Variants in OSBPL8 observed in about 807,000 individuals in gnomAD.
OSBPL8 encodes oxysterol-binding protein-related protein 8.
OSBPL8 carries 59 observed loss-of-function variants against 125.5 expected under a neutral mutation model. That is an observed-to-expected ratio of 0.47 (90% confidence interval 0.38 to 0.58). The LOEUF (loss-of-function observed/expected upper bound fraction) is 0.58. OSBPL8 is among the 20% of genes least tolerant of loss of function. The pLI, the probability that OSBPL8 is intolerant of heterozygous loss-of-function variation, is 0.00. For missense variants in OSBPL8, 758 were observed against 1,047.8 expected, an observed-to-expected ratio of 0.72 and a Z score of 3.82; for synonymous variants, 330 against 338.9, an observed-to-expected ratio of 0.97 and a Z score of 0.29.
chr12:76,410,555 T>C lies in OSBPL8; in HGVS notation c.288+9A>G, dbSNP rs778380562. 42 of 1,573,464 alleles carry C rather than the reference T, an allele frequency of 2.7e-5. No individual in the cohort carries two copies. The Middle Eastern group carries it at 5.0e-4, about 19-fold the overall frequency. On this transcript the variant is annotated intron_variant, in intron 5 of 23. Coordinates refer to ENST00000261183, the MANE Select transcript of OSBPL8 (RefSeq NM_020841.5). ...TGTCATAATCATGTATTTGCTTATA[T>C]ATGCTTACCTTGCTCTTTGACATAG...
chr12:76,440,979 G>A (rs1565899422), intron 4 of OSBPL8, among the ~76,000 whole-genome samples: 2 of 152,068 alleles, frequency 1.3e-5, no homozygotes, highest in Non-Finnish European at 2.9e-5. Flanking sequence ...ATATTTTGAT[G>A]TTCTTACTAG....
At chr12:76,548,385 T>C (rs758361466) in intron 1 of OSBPL8, among the ~76,000 whole-genome samples, 1 of 152,016 alleles carries the variant, frequency 6.6e-6, no homozygotes, top group Non-Finnish European at 1.5e-5. Context: ...ATAAAGTAAA[T>C]GGTACAGCAG....
At chr12:76,474,029 C>T (rs1247862616) in intron 2 of OSBPL8, among the ~76,000 whole-genome samples, 1 of 152,138 alleles carries the variant, frequency 6.6e-6, no homozygotes, top group Non-Finnish European at 1.5e-5. Flanking sequence ...ACTAATTCCC[C>T]TAATGCAGCC....
chr12:76,384,738 G>A (rs1191470129), intron 14 of OSBPL8, among the ~76,000 whole-genome samples: 3 of 152,180 alleles, frequency 2.0e-5, no homozygotes, highest in Non-Finnish European at 2.9e-5. Context: ...AGAGGGCTAC[G>A]TGGTGAGGAA....
At chr12:76,439,555 A>G (rs1871927793) in intron 4 of OSBPL8, among the ~76,000 whole-genome samples, 1 of 151,888 alleles carries the variant, frequency 6.6e-6, no homozygotes, top group South Asian at 2.1e-4. Flanking sequence ...ATAATCAATG[A>G]AATGCAGTAC....
intron 1 of OSBPL8, among the ~76,000 whole-genome samples, chr12:76,556,861 T>C (rs1056827727): frequency 6.6e-5 from 10 of 152,190 alleles, no homozygotes; most frequent in Non-Finnish European, 1.5e-4. Flanking sequence ...AGACGGGGTT[T>C]CACCATGTTG....
intron 1 of OSBPL8, among the ~76,000 whole-genome samples, chr12:76,496,138 C>T (rs1027605251): frequency 8.6e-5 from 13 of 151,814 alleles, no homozygotes; most frequent in African/African-American, 2.9e-4. Context: ...CCCAATTACA[C>T]ATTAGTCTCT....
At chr12:76,532,017 A>G (rs1327126572) in intron 1 of OSBPL8, among the ~76,000 whole-genome samples, 7 of 143,106 alleles carry the variant, frequency 4.9e-5, no homozygotes, top group African/African-American at 1.9e-4. Flanking sequence ...AGCCTGGGCA[A>G]GAGAGCAAGA....
chr12:76,460,949 A>G (rs1402975193), intron 2 of OSBPL8, among the ~76,000 whole-genome samples: 1 of 152,214 alleles, frequency 6.6e-6, no homozygotes, highest in Non-Finnish European at 1.5e-5. Context: ...CTCCTTGAAT[A>G]AAATCTTGGA....
chr12:76,474,019 A>G (rs1488164895), intron 2 of OSBPL8, among the ~76,000 whole-genome samples: 1 of 152,150 alleles, frequency 6.6e-6, no homozygotes, highest in African/African-American at 2.4e-5. Context: ...TTTATTTCCT[A>G]CTAATTCCCC....
rs980967521 is a variant in OSBPL8, at chr12:76,351,956, T to C, written c.*3933A>G. ...ATTACAAAACAGTGGCCTATAACTA[T>C]CTGTACATTTACTGTGCACCTTAAG... On this transcript the variant is annotated 3_prime_UTR_variant, in exon 24 of 24. Transcript: ENST00000261183. The C allele has an allele frequency of 2.0e-5, 3 of 152,242 alleles. No individual in the cohort carries two copies. The highest frequency in any genetic ancestry group is 7.2e-5 in the African/African-American group (3 of 41,464). The allele number at this position is 152,242 out of a possible 1,614,324, so 9.4% of individuals were successfully genotyped here.
At chr12:76,492,954 T>C (rs1477319899) in intron 1 of OSBPL8, among the ~76,000 whole-genome samples, 1 of 151,850 alleles carries the variant, frequency 6.6e-6, no homozygotes, top group African/African-American at 2.4e-5. Flanking sequence ...TTTGCTTTCA[T>C]TGTGTGCACG....
At position 76,457,233 on chromosome 12, in the gene OSBPL8, G is replaced by A. The variant is rs192009605; in HGVS notation, c.79+2626C>T. On this transcript the variant is annotated intron_variant, in intron 3 of 23. Coordinates refer to ENST00000261183, the MANE Select transcript of OSBPL8 (RefSeq NM_020841.5). ...GGTTAGAAAATTATTACAGTAGTAC[G>A]GTATGTACTAGTTAATGTTATGTAG... Among the ~76,000 whole-genome samples the A allele has an allele frequency of 8.1e-4, 123 of 152,182 alleles. 1 individual carries two copies. The highest frequency in any genetic ancestry group is 2.5e-3 in the African/African-American group (103 of 41,494).
chr12:76,558,428 T>C (rs1951174066), intron 1 of OSBPL8, among the ~76,000 whole-genome samples: 1 of 152,234 alleles, frequency 6.6e-6, no homozygotes, highest in East Asian at 1.9e-4. Flanking sequence ...TAAAGGATTA[T>C]TTCAAAAGCA....
intron 15 of OSBPL8, among the ~76,000 whole-genome samples, chr12:76,380,505 A>G (rs1306518934): frequency 1.4e-5 from 2 of 146,416 alleles, no homozygotes; most frequent in African/African-American, 5.1e-5. Flanking sequence ...GTTTGAGACC[A>G]GCAACATAGT....
At chr12:76,447,496 TCAAA>T (rs1872845608) in intron 4 of OSBPL8, among the ~76,000 whole-genome samples, 1 of 151,894 alleles carries the variant, frequency 6.6e-6, no homozygotes, top group South Asian at 2.1e-4. Flanking sequence ...AAAGATGTAA[TCAAA>T]CAATCTAAAA....
At chr12:76,532,716 CAA>C (rs199884924) in intron 1 of OSBPL8, among the ~76,000 whole-genome samples, 1 of 134,150 alleles carries the variant, frequency 7.5e-6, no homozygotes, top group Non-Finnish European at 1.6e-5. Flanking sequence ...AAGGAGTGGA[CAA>C]AAAAAAAAAG....
intron 1 of OSBPL8, among the ~76,000 whole-genome samples, chr12:76,493,606 A>C (rs1297791123): frequency 6.6e-6 from 1 of 152,156 alleles, no homozygotes. Flanking sequence ...AGGCTAAAGG[A>C]GCTCCCTTGC....
chr12:76,443,569 C>A (rs535894314), intron 4 of OSBPL8, among the ~76,000 whole-genome samples: 1 of 152,072 alleles, frequency 6.6e-6, no homozygotes, highest in South Asian at 2.1e-4. Context: ...AGTGCAGTGG[C>A]GCGATCTTGG....
Sources: gnomAD v4.1 joint callset for allele counts (sites outside exome capture counted in the v4.1 genomes callset) on GRCh38, gnomAD v4.1.1 for gene constraint, MANE v1.5 for transcripts, NCBI Gene and HGNC (gene_info 2026-07-23, HGNC 2026-07-21) for gene names.